The following STIM2 variants were observed in gnomAD, a reference collection of about 807,000 sequenced individuals.
STIM2 encodes the protein stromal interaction molecule 2.
In STIM2, 31 loss-of-function variants were observed where a neutral mutation model predicts 85.8. The observed-to-expected ratio is 0.36, with a 90% CI of 0.27 to 0.49. STIM2 has a LOEUF of 0.49. Ranked by LOEUF, STIM2 falls within the 20% of genes least tolerant of loss-of-function variation. The pLI is 0.98. For missense variants in STIM2, 841 were observed against 927.6 expected (o/e 0.91, Z 1.21); for synonymous variants, 356 against 331.1 (o/e 1.08, Z -0.82).
chr4:26,987,668 C>G (rs1311666943), intron 3 of STIM2, among the ~76,000 whole-genome samples: 2 of 152,198 alleles, frequency 1.3e-5, no homozygotes, highest in East Asian at 1.9e-4. Context: ...GGAATCACCT[C>G]CATGATGAAG....
chr4:26,947,998 G>T (rs1043637115), intron 2 of STIM2, among the ~76,000 whole-genome samples: 2 of 152,056 alleles, frequency 1.3e-5, no homozygotes, highest in Non-Finnish European at 2.9e-5. Flanking sequence ...CCATAATAGG[G>T]ATATTGCAGG....
intron 4 of STIM2, among the ~76,000 whole-genome samples, chr4:26,997,006 G>T (rs917815343): frequency 6.6e-6 from 1 of 152,086 alleles, no homozygotes; most frequent in African/African-American, 2.4e-5. Flanking sequence ...TCCTTAAATA[G>T]TGAACATGTT....
chr4:27,003,417 A>C (rs1269256422), intron 7 of STIM2, among the ~76,000 whole-genome samples: 1 of 152,196 alleles, frequency 6.6e-6, no homozygotes, highest in Non-Finnish European at 1.5e-5. Context: ...ATAATGTAGT[A>C]AGATATAAAG....
chr4:26,900,013 G>T (rs753464385), intron 1 of STIM2, among the ~76,000 whole-genome samples: 1 of 152,124 alleles, frequency 6.6e-6, no homozygotes, highest in Non-Finnish European at 1.5e-5. Context: ...TAGTTTTCAT[G>T]AGGATAAACC....
chr4:27,007,266 C>G (rs1235697088), intron 7 of STIM2, among the ~76,000 whole-genome samples: 2 of 151,716 alleles, frequency 1.3e-5, no homozygotes, highest in African/African-American at 4.8e-5. Context: ...CTCTACCCTC[C>G]TTCACAACTT....
At chr4:26,954,148 A>C (rs953478123) in intron 2 of STIM2, among the ~76,000 whole-genome samples, 3 of 152,210 alleles carry the variant, frequency 2.0e-5, no homozygotes, top group African/African-American at 7.2e-5. Context: ...TGTCATAAAA[A>C]TAACAGCACA....
chr4:27,019,607 T>A (rs182857518), intron 11 of STIM2: 10 of 645,746 alleles, frequency 1.5e-5, no homozygotes, highest in Non-Finnish European at 2.4e-5. Flanking sequence ...AAAACTTTTC[T>A]TCCTCTTCAT....
At chr4:26,909,626 T>G (rs1382948480) in intron 1 of STIM2, among the ~76,000 whole-genome samples, 1 of 152,232 alleles carries the variant, frequency 6.6e-6, no homozygotes, top group Non-Finnish European at 1.5e-5. Flanking sequence ...ATAGTATTAA[T>G]CATCTTTGTT....
chr4:26,966,910 A>G (rs1418660822), intron 3 of STIM2, among the ~76,000 whole-genome samples: 30 of 152,100 alleles, frequency 2.0e-4, no homozygotes, highest in Non-Finnish European at 8.8e-5. Context: ...TTTTAAAGAT[A>G]AGAACCTCTT....
At chr4:26,890,914 C>A (rs577389556) in intron 1 of STIM2, among the ~76,000 whole-genome samples, 1 of 152,080 alleles carries the variant, frequency 6.6e-6, no homozygotes, top group Non-Finnish European at 1.5e-5. Flanking sequence ...TCTGATTAAC[C>A]TATATGAGCC....
intron 1 of STIM2, 57 bp downstream of exon 1, chr4:26,861,426 C>G: frequency 7.8e-7 from 1 of 1,274,742 alleles, no homozygotes; most frequent in Non-Finnish European, 9.9e-7. Flanking sequence ...GACCCCCAAC[C>G]CGTGCAGAGG....
chr4:26,868,348 TA>T (rs1722481397), intron 1 of STIM2, among the ~76,000 whole-genome samples: 1 of 152,214 alleles, frequency 6.6e-6, no homozygotes, highest in Non-Finnish European at 1.5e-5. Context: ...CTTTTTTCTC[TA>T]GTCATTTTCA....
chr4:26,879,069 CCT>C (rs1191405026), intron 1 of STIM2, among the ~76,000 whole-genome samples: 8 of 152,140 alleles, frequency 5.3e-5, no homozygotes, highest in African/African-American at 1.9e-4. Context: ...CTTTGTCTCC[CCT>C]GTCGTGTGCT....
rs188190653 is a variant in STIM2 at position 27,003,226 on chromosome 4, G to C, written c.981+122G>C. Reference sequence around the variant, plus strand: ...CACTGTAGTTCCTCAGTTGATAAAAGACTCATTTGTTTATGTTGTTAGCAT... The same window carrying C: ...CACTGTAGTTCCTCAGTTGATAAAACACTCATTTGTTTATGTTGTTAGCAT... On this transcript the variant is annotated intron_variant, in intron 7 of 11. Coordinates refer to ENST00000467087, the MANE Select transcript of STIM2 (RefSeq NM_020860.4). The C allele has an allele frequency of 2.2e-5, 20 of 908,368 alleles. No homozygotes were observed. In the Admixed American group the frequency reaches 6.9e-4, roughly 31 times the overall value. 56.3% of individuals were successfully genotyped at this position (908,368 alleles called of 1,614,324 possible). A position where few individuals can be genotyped will look rare whatever the true frequency, so the allele number is the denominator to read the frequency against.
rs761022239 is a variant in STIM2, at chr4:26,919,580, T to A, written c.228T>A (p.His76Gln). The A allele has an allele frequency of 6.2e-7, 1 of 1,613,630 alleles. No homozygotes were observed. The highest frequency in any genetic ancestry group is 8.5e-7 in the Non-Finnish European group (1 of 1,179,716). Residue 76 changes from histidine (H) to glutamine (Q), a missense_variant, in exon 2 of 12, where the codon CAT becomes CAA. Coordinates refer to ENST00000467087, the MANE Select transcript of STIM2 (RefSeq NM_020860.4). ...GTCTGGAAGCTCTTCAAACAATACATAAACAAATGGATGATGACAAAGATG... is the reference window on the plus strand; with the variant it reads ...GTCTGGAAGCTCTTCAAACAATACAAAAACAAATGGATGATGACAAAGATG...
intron 3 of STIM2, among the ~76,000 whole-genome samples, chr4:26,964,379 A>G (rs1350309524): frequency 1.3e-5 from 2 of 152,182 alleles, no homozygotes; most frequent in Non-Finnish European, 2.9e-5. Flanking sequence ...TCATCATTGC[A>G]CTAAGTATTA....
chr4:26,890,745 A>C (rs1422798122), intron 1 of STIM2, among the ~76,000 whole-genome samples: 1 of 146,712 alleles, frequency 6.8e-6, no homozygotes, highest in South Asian at 2.2e-4. Flanking sequence ...AATGGCGTGA[A>C]CCCGGGAGGC....
In STIM2 at chr4:27,000,782, G is replaced by A. The variant is rs565455291; in HGVS notation, c.625+1435G>A. On this transcript the variant is annotated intron_variant, in intron 5 of 11. Transcript: ENST00000467087. ...TATGTTAGATTTATTTTAAAAACCA[G>A]CATTGTCAAATGAACAGAGATACAT... is the stretch of plus-strand genomic sequence containing the variant. 1.3e-5 allele frequency among the ~76,000 whole-genome samples: 2 copies of A among 151,202 alleles called. 1 individual carries two copies. The highest frequency in any genetic ancestry group is 4.2e-4 in the South Asian group (2 of 4,738).
Position 26,959,208 on chromosome 4 carries a change from A to T in STIM2, c.397+1482A>T, listed in dbSNP as rs1364860530. Reference sequence around the variant, plus strand: ...TCTACATGTTCTGCCTTCTGTTTCCACCTCTCTCTCATCTCTTACCTCTTC... The same window carrying T: ...TCTACATGTTCTGCCTTCTGTTTCCTCCTCTCTCTCATCTCTTACCTCTTC... On this transcript the variant is annotated intron_variant, in intron 3 of 11. Coordinates refer to ENST00000467087, the MANE Select transcript of STIM2 (RefSeq NM_020860.4). 4.0e-5 allele frequency among the ~76,000 whole-genome samples: 6 copies of T among 151,556 alleles called. No individual in the cohort carries two copies. The East Asian group carries it at 7.8e-4, about 20-fold the overall frequency.
Sources: allele counts gnomAD v4.1 joint callset (sites outside exome capture counted in the v4.1 genomes callset), GRCh38; gene constraint gnomAD v4.1.1; transcripts MANE v1.5; gene names NCBI Gene and HGNC (gene_info 2026-07-23, HGNC 2026-07-21).